The following LYPD6 variants were observed in gnomAD, a reference collection of about 807,000 sequenced individuals.
LYPD6 encodes the protein ly6/PLAUR domain-containing protein 6.
Under a neutral mutation model 22.7 loss-of-function variants are expected in LYPD6, and 15 were observed. That is an observed-to-expected ratio of 0.66 (90% CI 0.44 to 1.02). LYPD6 has a LOEUF of 1.02. Among genes scored for constraint, LYPD6 ranks in the 50% least tolerant of loss-of-function variants. The probability of loss-of-function intolerance (pLI) is 0.00; values close to 1 mark genes in which losing one functional copy is unlikely to be tolerated. For synonymous variants in LYPD6, 72 were observed against 77.5 expected, an observed-to-expected ratio of 0.93 and a Z score of 0.37; for missense variants, 189 against 208.4, an observed-to-expected ratio of 0.91 and a Z score of 0.57.
the LYPD6 span, among the ~76,000 whole-genome samples, chr2:149,479,154 C>T: frequency 3.3e-5 from 5 of 152,178 alleles, no homozygotes; most frequent in Non-Finnish European, 5.9e-5. Flanking sequence ...TTCTCAGCTT[C>T]GTTCAACACT....
chr2:149,424,035 C>T (rs1683139294), intron 1 of LYPD6, among the ~76,000 whole-genome samples: 1 of 152,166 alleles, frequency 6.6e-6, no homozygotes, highest in South Asian at 2.1e-4. Context: ...ATGCCATCGT[C>T]TCAAGATGGC....
At chr2:149,413,567 A>G (rs775694780) in intron 1 of LYPD6, among the ~76,000 whole-genome samples, 1 of 152,022 alleles carries the variant, frequency 6.6e-6, no homozygotes, top group Non-Finnish European at 1.5e-5. Flanking sequence ...TGCACTTTCC[A>G]CTTATTCTTG....
chr2:149,380,835 C>T (rs78120261), intron 1 of LYPD6, among the ~76,000 whole-genome samples: 1 of 152,170 alleles, frequency 6.6e-6, no homozygotes, highest in East Asian at 1.9e-4. Context: ...AAGGACTGAC[C>T]TTTGGGGTAC....
At chr2:149,354,344 A>G (rs1193541498) in intron 1 of LYPD6, among the ~76,000 whole-genome samples, 1 of 152,104 alleles carries the variant, frequency 6.6e-6, no homozygotes, top group Admixed American at 6.5e-5. Context: ...AGTAGCTGGG[A>G]TTACAGGTGC....
intron 1 of LYPD6, among the ~76,000 whole-genome samples, chr2:149,413,745 A>C (rs912572932): frequency 6.6e-6 from 1 of 152,196 alleles, no homozygotes; most frequent in Non-Finnish European, 1.5e-5. Flanking sequence ...AGAAAAGTGA[A>C]GTTCACATAT....
intron 1 of LYPD6, among the ~76,000 whole-genome samples, chr2:149,348,895 A>G (rs1168654182): frequency 6.6e-6 from 1 of 152,160 alleles, no homozygotes; most frequent in African/African-American, 2.4e-5. Context: ...ATGCTGAAAA[A>G]GGGCATTCTT....
In LYPD6 at chr2:149,384,906, A is replaced by T. The variant is rs1167939804; in HGVS notation, c.-71-52732A>T. Among the ~76,000 whole-genome samples, 5 of 115,552 alleles carry T rather than the reference A, an allele frequency of 4.3e-5. No homozygotes were observed. The Admixed American group carries it at 4.8e-4, about 11-fold the overall frequency. The allele number at this position is 115,552 out of a possible 152,430, so 75.8% of individuals were successfully genotyped here. ...CCCCCCACCCCACAACAGTCCCCAG[A>T]GTGTGATGTTCCCCTTCCTGTGTCC... On this transcript the variant is annotated intron_variant, in intron 1 of 4. Coordinates refer to ENST00000334166, the MANE Select transcript of LYPD6 (RefSeq NM_194317.5).
At chr2:149,481,569 G>A in the LYPD6 span, among the ~76,000 whole-genome samples, 7 of 152,194 alleles carry the variant, frequency 4.6e-5, no homozygotes, top group East Asian at 1.9e-4. Context: ...AAAACAAATC[G>A]TGACAATGTA....
intron 1 of LYPD6, among the ~76,000 whole-genome samples, chr2:149,435,433 G>T (rs146606285): frequency 1.3e-5 from 2 of 152,256 alleles, no homozygotes; most frequent in African/African-American, 2.4e-5. Context: ...GCCCTGCTAC[G>T]TACAGATTGG....
intron 1 of LYPD6, among the ~76,000 whole-genome samples, chr2:149,339,836 A>C (rs2105047789): frequency 6.6e-6 from 1 of 152,334 alleles, no homozygotes; most frequent in East Asian, 1.9e-4. Context: ...TGTATGCGTG[A>C]GTAATTACCA....
intron 1 of LYPD6, among the ~76,000 whole-genome samples, chr2:149,342,035 A>G (rs1050884515): frequency 2.0e-5 from 3 of 152,290 alleles, no homozygotes; most frequent in Non-Finnish European, 4.4e-5. Context: ...GAATACCACA[A>G]GCTATACACA....
intron 1 of LYPD6, among the ~76,000 whole-genome samples, chr2:149,346,523 C>A (rs772137978): frequency 5.9e-5 from 9 of 152,080 alleles, no homozygotes; most frequent in Non-Finnish European, 8.8e-5. Flanking sequence ...GGAGGATTTC[C>A]ATAAAGTCTT....
At chr2:149,340,773 G>A (rs1681146113) in intron 1 of LYPD6, among the ~76,000 whole-genome samples, 1 of 152,112 alleles carries the variant, frequency 6.6e-6, no homozygotes, top group Non-Finnish European at 1.5e-5. Context: ...TGAAAGTGTG[G>A]CATAATATTG....
At chr2:149,411,884 A>C (rs1682855993) in intron 1 of LYPD6, among the ~76,000 whole-genome samples, 1 of 152,200 alleles carries the variant, frequency 6.6e-6, no homozygotes, top group Non-Finnish European at 1.5e-5. Flanking sequence ...ATATGTATTT[A>C]TGCATTTGCT....
chr2:149,450,463 T>A (rs1052885026), intron 3 of LYPD6, among the ~76,000 whole-genome samples: 1 of 152,174 alleles, frequency 6.6e-6, no homozygotes, highest in Non-Finnish European at 1.5e-5. Flanking sequence ...CTCCTCTACA[T>A]AAGAAACAGA....
At chr2:149,389,165 T>C (rs1222140883) in intron 1 of LYPD6, among the ~76,000 whole-genome samples, 1 of 152,200 alleles carries the variant, frequency 6.6e-6, no homozygotes, top group African/African-American at 2.4e-5. Context: ...TTGTGACATT[T>C]GATGAATCAC....
intron 1 of LYPD6, among the ~76,000 whole-genome samples, chr2:149,427,686 T>C (rs969191821): frequency 6.6e-6 from 1 of 152,210 alleles, no homozygotes; most frequent in South Asian, 2.1e-4. Flanking sequence ...CCAACAGTAA[T>C]CCCATACGAT....
intron 1 of LYPD6, among the ~76,000 whole-genome samples, chr2:149,370,244 G>A (rs922212146): frequency 1.1e-4 from 17 of 152,294 alleles, no homozygotes; most frequent in Non-Finnish European, 2.2e-4. Context: ...GACACAGAGA[G>A]CTTATGCCAG....
At chr2:149,417,408 G>C (rs927893516) in intron 1 of LYPD6, among the ~76,000 whole-genome samples, 2 of 152,152 alleles carry the variant, frequency 1.3e-5, no homozygotes, top group Admixed American at 1.3e-4. Context: ...CTGTAATACA[G>C]AATGTTTGGA....
Sources: gnomAD v4.1 joint callset for allele counts (sites outside exome capture counted in the v4.1 genomes callset) on GRCh38, gnomAD v4.1.1 for gene constraint, MANE v1.5 for transcripts, NCBI Gene and HGNC (gene_info 2026-07-23, HGNC 2026-07-21) for gene names.